The following SSBP2 variants were observed in gnomAD, a reference collection of about 807,000 sequenced individuals.
SSBP2 encodes single stranded DNA binding protein 2.
SSBP2 carries 17 observed loss-of-function variants against 61.8 expected under a neutral mutation model. The observed-to-expected ratio is 0.28, with a 90% CI of 0.19 to 0.41. SSBP2 has a LOEUF of 0.41. Ranked by LOEUF, SSBP2 falls within the 10% of genes least tolerant of loss-of-function variation. SSBP2 has a pLI of 1.00. For missense variants in SSBP2, 310 were observed against 458.7 expected, an observed-to-expected ratio of 0.68 and a Z score of 2.96; for synonymous variants, 139 against 141.3, an observed-to-expected ratio of 0.98 and a Z score of 0.12.
chr5:81,486,996 G>T (rs1766435205), intron 6 of SSBP2, among the ~76,000 whole-genome samples: 1 of 152,206 alleles, frequency 6.6e-6, no homozygotes, highest in African/African-American at 2.4e-5. Flanking sequence ...ATTTCAGTAA[G>T]AGTTAGGAGA....
intron 1 of SSBP2, among the ~76,000 whole-genome samples, chr5:81,668,622 G>T (rs1010556003): frequency 1.3e-5 from 2 of 151,800 alleles, no homozygotes; most frequent in African/African-American, 4.8e-5. Context: ...CTACTTAAAT[G>T]GCCTTTCCTC....
chr5:81,479,299 TG>T (rs1484050642), intron 6 of SSBP2, among the ~76,000 whole-genome samples: 1 of 152,188 alleles, frequency 6.6e-6, no homozygotes, highest in Non-Finnish European at 1.5e-5. Flanking sequence ...TTCTTTTTTT[TG>T]TTTTTTTTGA....
intron 1 of SSBP2, among the ~76,000 whole-genome samples, chr5:81,654,306 G>A (rs951143838): frequency 6.6e-6 from 1 of 152,042 alleles, no homozygotes; most frequent in East Asian, 1.9e-4. Flanking sequence ...AATTGACCAC[G>A]TCCAAAGTTA....
At chr5:81,454,782 A>G (rs1011007741) in intron 10 of SSBP2, among the ~76,000 whole-genome samples, 2 of 152,074 alleles carry the variant, frequency 1.3e-5, no homozygotes, top group Non-Finnish European at 2.9e-5. Flanking sequence ...ATATATTTCT[A>G]TTTCTGAGGT....
intron 1 of SSBP2, among the ~76,000 whole-genome samples, chr5:81,727,069 C>A (rs1413274072): frequency 6.6e-6 from 1 of 152,120 alleles, no homozygotes; most frequent in Non-Finnish European, 1.5e-5. Context: ...ATTTAGGAAG[C>A]GGCAAAATAG....
intron 4 of SSBP2, among the ~76,000 whole-genome samples, chr5:81,596,286 G>A (rs1217384204): frequency 2.0e-5 from 3 of 149,750 alleles, no homozygotes; most frequent in Non-Finnish European, 4.4e-5. Flanking sequence ...TACAAGGGAT[G>A]TGAAGGACCT....
At chr5:81,629,620 T>A (rs1219224959) in intron 3 of SSBP2, among the ~76,000 whole-genome samples, 1 of 152,196 alleles carries the variant, frequency 6.6e-6, no homozygotes, top group African/African-American at 2.4e-5. Context: ...CTTTTCTAAC[T>A]CTCCCAAGCT....
chr5:81,629,731 T>C (rs1747518183), intron 3 of SSBP2, among the ~76,000 whole-genome samples: 2 of 152,216 alleles, frequency 1.3e-5, no homozygotes, highest in African/African-American at 4.8e-5. Flanking sequence ...ATAAAAATTG[T>C]ATATATTTAA....
rs1330388846 is a variant in SSBP2, at chr5:81,577,224, GC to G, written c.282+38248del. On this transcript the variant is annotated intron_variant, in intron 4 of 16. Coordinates refer to ENST00000320672, the MANE Select transcript of SSBP2 (RefSeq NM_012446.5). ...AGTTTAACGGTAGTATTTTTATTTTGCCTTTTTATTGTACTGCTGGCAGTAT... is the reference window on the plus strand; with the variant it reads ...AGTTTAACGGTAGTATTTTTATTTTGCTTTTTATTGTACTGCTGGCAGTAT... 3.4e-4 allele frequency among the ~76,000 whole-genome samples: 51 copies of G among 151,780 alleles called. 1 individual carries two copies. The highest frequency in any genetic ancestry group is 3.3e-3 in the Admixed American group (51 of 15,248).
chr5:81,563,948 T>C (rs563759922), intron 4 of SSBP2, among the ~76,000 whole-genome samples: 16 of 152,200 alleles, frequency 1.1e-4, no homozygotes, highest in African/African-American at 3.6e-4. Context: ...AGGCAACCCA[T>C]GGAATGGAAG....
intron 1 of SSBP2, among the ~76,000 whole-genome samples, chr5:81,665,785 G>A (rs1216815100): frequency 7.2e-5 from 11 of 152,212 alleles, no homozygotes; most frequent in African/African-American, 2.4e-4. Flanking sequence ...GATTACAGGC[G>A]TGAGCTACCA....
chr5:81,696,366 A>G (rs963601054), intron 1 of SSBP2, among the ~76,000 whole-genome samples: 1 of 152,012 alleles, frequency 6.6e-6, no homozygotes, highest in African/African-American at 2.4e-5. Context: ...TGCAGAGGAT[A>G]CTCTTTTCTC....
At chr5:81,726,727 G>C (rs1755913147) in intron 1 of SSBP2, among the ~76,000 whole-genome samples, 1 of 151,984 alleles carries the variant, frequency 6.6e-6, no homozygotes, top group Non-Finnish European at 1.5e-5. Flanking sequence ...CCTCCCTACT[G>C]CTTCCAGGAT....
intron 2 of SSBP2, among the ~76,000 whole-genome samples, chr5:81,643,655 T>A (rs1749002926): frequency 7.5e-6 from 1 of 132,720 alleles, no homozygotes; most frequent in Non-Finnish European, 1.5e-5. Context: ...CAGGCTGGAG[T>A]ACAGTGGTGC....
rs562768628 is a variant in SSBP2, at chr5:81,672,971, G to A, written c.63-22632C>T. Reference sequence around the variant, plus strand: ...CACGCCTCAGCCTCCTGAGTAGCTGGGACTTACAGGCGCCTTGCCACCACG... The same window carrying A: ...CACGCCTCAGCCTCCTGAGTAGCTGAGACTTACAGGCGCCTTGCCACCACG... On this transcript the variant is annotated intron_variant, in intron 1 of 16. Transcript: ENST00000320672. Among the ~76,000 whole-genome samples, 3 of 151,822 alleles carry A rather than the reference G, an allele frequency of 2.0e-5. No homozygotes were observed. In the East Asian group the frequency reaches 5.8e-4, roughly 29 times the overall value.
At chr5:81,684,821 A>C (rs1752652988) in intron 1 of SSBP2, among the ~76,000 whole-genome samples, 1 of 152,106 alleles carries the variant, frequency 6.6e-6, no homozygotes, top group South Asian at 2.1e-4. Context: ...GAATGAGTTA[A>C]GACTTGGGGG....
intron 3 of SSBP2, among the ~76,000 whole-genome samples, chr5:81,627,829 A>G (rs1747320108): frequency 6.6e-6 from 1 of 152,136 alleles, no homozygotes; most frequent in South Asian, 2.1e-4. Flanking sequence ...AGGCAGAAGC[A>G]GAGGCGAGTG....
chr5:81,638,132 T>C lies in SSBP2; in HGVS notation c.136-1514A>G, dbSNP rs536632093. On this transcript the variant is annotated intron_variant, in intron 2 of 16. Transcript: ENST00000320672. ...GTGGGGGGAGGGGGGAGAGATAGCA[T>C]TGGGAGATATACCTAATGCTAGATG... Among the ~76,000 whole-genome samples the C allele has an allele frequency of 1.9e-4, 29 of 149,444 alleles. No individual in the cohort carries two copies. In the East Asian group the frequency reaches 5.8e-3, roughly 30 times the overall value.
chr5:81,597,386 A>G (rs1581130520), intron 4 of SSBP2, among the ~76,000 whole-genome samples: 2 of 152,352 alleles, frequency 1.3e-5, no homozygotes, highest in Admixed American at 1.3e-4. Context: ...GTGGAGAAAT[A>G]GGGACACTTT....
Sources: allele counts gnomAD v4.1 joint callset (sites outside exome capture counted in the v4.1 genomes callset), GRCh38; gene constraint gnomAD v4.1.1; transcripts MANE v1.5; gene names NCBI Gene and HGNC (gene_info 2026-07-23, HGNC 2026-07-21).